MTHFD1L: variants seen among roughly 807,000 people sequenced by gnomAD.
MTHFD1L encodes the protein monofunctional C1-tetrahydrofolate synthase, mitochondrial.
Under a neutral mutation model 119.5 loss-of-function variants are expected in MTHFD1L, and 81 were observed. The observed-to-expected ratio is 0.68, with a 90% CI of 0.57 to 0.82. The LOEUF (loss-of-function observed/expected upper bound fraction) is 0.82. Ranked by LOEUF, MTHFD1L falls within the 40% of genes least tolerant of loss-of-function variation. The pLI, the probability that MTHFD1L is intolerant of heterozygous loss-of-function variation, is 0.00. For synonymous variants in MTHFD1L, 430 were observed against 475.2 expected, an observed-to-expected ratio of 0.90 and a Z score of 1.24; for missense variants, 1,125 against 1,253.4, an observed-to-expected ratio of 0.90 and a Z score of 1.55.
At chr6:151,062,835 A>G (rs1021671912) in intron 26 of MTHFD1L, among the ~76,000 whole-genome samples, 2 of 152,024 alleles carry the variant, frequency 1.3e-5, no homozygotes, top group African/African-American at 2.4e-5. Flanking sequence ...AGCCATATAT[A>G]TATATATATA....
chr6:150,915,811 C>T (rs1437680844), intron 8 of MTHFD1L, among the ~76,000 whole-genome samples: 1 of 152,108 alleles, frequency 6.6e-6, no homozygotes, highest in Non-Finnish European at 1.5e-5. Context: ...ACCTTGTTGG[C>T]CAGGCTGGTC....
chr6:151,012,019 C>CAAAAAAAAAAAA (rs1043831602), intron 21 of MTHFD1L, among the ~76,000 whole-genome samples: 18 of 58,786 alleles, frequency 3.1e-4, no homozygotes, highest in South Asian at 1.0e-3. Context: ...ACAACAACAA[C>CAAAAAAAAAAAA]AAAAAAAAAA....
At chr6:151,053,878 G>A (rs1326046117) in intron 26 of MTHFD1L, among the ~76,000 whole-genome samples, 1 of 150,134 alleles carries the variant, frequency 6.7e-6, no homozygotes, top group Non-Finnish European at 1.5e-5. Context: ...AAAAAAAAAT[G>A]CTTATCATTG....
chr6:150,951,079 C>T (rs2128975721), intron 16 of MTHFD1L, among the ~76,000 whole-genome samples: 1 of 149,994 alleles, frequency 6.7e-6, no homozygotes, highest in Non-Finnish European at 1.5e-5. Flanking sequence ...TTCTGTCACC[C>T]AGGTTGGAGT....
intron 24 of MTHFD1L, among the ~76,000 whole-genome samples, chr6:151,017,494 G>A (rs1783272966): frequency 6.6e-6 from 1 of 151,918 alleles, no homozygotes; most frequent in African/African-American, 2.4e-5. Flanking sequence ...TTACAGGCGT[G>A]CACCACCACG....
chr6:151,084,145 G>C (rs1363135165), intron 26 of MTHFD1L, among the ~76,000 whole-genome samples: 1 of 152,088 alleles, frequency 6.6e-6, no homozygotes, highest in Admixed American at 6.6e-5. Context: ...TGTCACTGTT[G>C]GAGTTGCCAG....
At chr6:151,092,374 G>C (rs994855941) in intron 26 of MTHFD1L, 93 bp from the exon 27 acceptor site, 30 of 884,624 alleles carry the variant, frequency 3.4e-5, no homozygotes, top group African/African-American at 1.5e-4. Flanking sequence ...GTTCTATGAG[G>C]CTGTATTGAA....
At chr6:150,939,225 C>T (rs12215887) in intron 13 of MTHFD1L, 49,088 of 159,868 alleles carry the variant, frequency 0.31, 7,991 homozygotes, top group African/African-American at 0.4. Context: ...GGCTCTAGTG[C>T]GTGCCTCGGC....
At chr6:150,868,617 G>C (rs757213939) in intron 1 of MTHFD1L, among the ~76,000 whole-genome samples, 1 of 152,118 alleles carries the variant, frequency 6.6e-6, no homozygotes, top group Non-Finnish European at 1.5e-5. Flanking sequence ...GATTACAGGT[G>C]TGAGCTACCA....
chr6:151,080,561 T>A (rs1160616342), intron 26 of MTHFD1L, among the ~76,000 whole-genome samples: 2 of 152,174 alleles, frequency 1.3e-5, no homozygotes, highest in African/African-American at 4.8e-5. Context: ...GTCCAGGAAT[T>A]GAAGGTGCTA....
chr6:150,964,817 A>AG (rs1202219227), intron 18 of MTHFD1L, 152 bp from the exon 19 acceptor site: 2 of 593,776 alleles, frequency 3.4e-6, no homozygotes, highest in African/African-American at 1.9e-5. Flanking sequence ...TGGTGGGGAG[A>AG]GGTGGACAGA....
At position 151,073,112 on chromosome 6, in the gene MTHFD1L, TCCCTGAGTTGAAGACAG is replaced by T. The variant is rs1324595886; in HGVS notation, c.2848-19354_2848-19338del. 7.2e-5 allele frequency among the ~76,000 whole-genome samples: 11 copies of T among 152,240 alleles called. No individual in the cohort carries two copies. The East Asian group carries it at 1.5e-3, about 21-fold the overall frequency. On this transcript the variant is annotated intron_variant, in intron 26 of 27. Coordinates refer to ENST00000367321, the MANE Select transcript of MTHFD1L (RefSeq NM_015440.5). The stretch of plus-strand genomic sequence containing the variant: ...ACCCAGGAGAAAGAGCTCAACTGTC[TCCCTGAGTTGAAGACAG>T]AGCTGGGGATACATCAAGGGAAACC...
intron 24 of MTHFD1L, among the ~76,000 whole-genome samples, chr6:151,032,988 T>C (rs936768885): frequency 1.3e-5 from 2 of 152,232 alleles, no homozygotes; most frequent in Non-Finnish European, 2.9e-5. Context: ...TGACACTAGC[T>C]GTTGCCAAGC....
intron 24 of MTHFD1L, among the ~76,000 whole-genome samples, chr6:151,022,706 C>A (rs1195989502): frequency 1.3e-5 from 2 of 152,184 alleles, no homozygotes; most frequent in African/African-American, 4.8e-5. Context: ...ACGCCCAGGG[C>A]CAGCCTGAGT....
chr6:150,957,761 T>C (rs913271911), intron 17 of MTHFD1L, among the ~76,000 whole-genome samples: 6 of 152,188 alleles, frequency 3.9e-5, no homozygotes, highest in African/African-American at 1.4e-4. Flanking sequence ...ATTTTAAAAC[T>C]TTGAAGTAAA....
chr6:150,899,491 A>G (rs953494121), intron 7 of MTHFD1L, among the ~76,000 whole-genome samples: 7 of 152,226 alleles, frequency 4.6e-5, no homozygotes, highest in African/African-American at 1.7e-4. Flanking sequence ...GTACGACAAC[A>G]TCTGAATGAA....
chr6:150,876,173 A>G lies in MTHFD1L; in HGVS notation c.311A>G (p.Gln104Arg). 6.3e-7 allele frequency: 1 copy of G among 1,582,532 alleles called. No homozygotes were observed. The highest frequency in any genetic ancestry group is 8.6e-7 in the Non-Finnish European group (1 of 1,164,882). ...PAFKPVLAII[Q>R]AGDDNLMQEI... is the part of the protein sequence containing the mutation. ...TTCAAGCCGGTTCTTGCAATTATCC[A>G]GGTAAGCCGAGAACAAGGTTCAGTC... The change falls in exon 2 of 28, where the codon CAG (glutamine) becomes CGG (arginine). Residue 104 changes from glutamine (Q) to arginine (R), a missense_variant and splice_region_variant. By Grantham distance (43) the Gln-to-Arg change is conservative (BLOSUM62 1). This residue lies in a region of MTHFD1L where 1,058 missense variants were observed against 1,151.2 expected (regional missense o/e 0.92). Coordinates refer to ENST00000367321, the MANE Select transcript of MTHFD1L (RefSeq NM_015440.5).
chr6:151,066,082 T>C (rs1045110263), intron 26 of MTHFD1L, among the ~76,000 whole-genome samples: 1 of 152,224 alleles, frequency 6.6e-6, no homozygotes. Context: ...TCAAAAGTGA[T>C]CTCCATACTC....
chr6:150,932,827 G>GA (rs1210589196), intron 11 of MTHFD1L, among the ~76,000 whole-genome samples: 3 of 143,970 alleles, frequency 2.1e-5, no homozygotes, highest in Admixed American at 1.4e-4. Context: ...AGGAAGGAAG[G>GA]AAGGAAGGAA....
Sources: gnomAD v4.1 joint callset for allele counts (sites outside exome capture counted in the v4.1 genomes callset) on GRCh38, gnomAD v4.1.1 for gene constraint, gnomAD v4.1.1 regional missense constraint, MANE v1.5 for transcripts, NCBI Gene and HGNC (gene_info 2026-07-23, HGNC 2026-07-21) for gene names.